Variants in CNDP2 observed in about 807,000 individuals in gnomAD.
CNDP2 encodes the protein cytosolic non-specific dipeptidase.
In CNDP2, 38 loss-of-function variants were observed where a neutral mutation model predicts 55.0. That is an observed-to-expected ratio of 0.69 (90% CI 0.53 to 0.90). The LOEUF (loss-of-function observed/expected upper bound fraction) is 0.90. CNDP2 is among the 40% of genes least tolerant of loss of function. CNDP2 has a pLI of 0.00. For missense variants in CNDP2, 607 were observed against 621.7 expected (o/e 0.98, Z 0.25); for synonymous variants, 241 against 260.2 (o/e 0.93, Z 0.71).
intron 3 of CNDP2, 33 bp from the exon 4 acceptor site, chr18:74,505,816 G>C (rs1436562056): frequency 1.9e-6 from 3 of 1,611,736 alleles, no homozygotes; most frequent in Non-Finnish European, 2.5e-6. Flanking sequence ...TTAAACAAAG[G>C]CTGTCCTTGG....
At chr18:74,506,037 C>T (rs1979005442) in intron 4 of CNDP2, 26 bp downstream of exon 4, 3 of 1,479,006 alleles carry the variant, frequency 2.0e-6, no homozygotes, top group Non-Finnish European at 2.7e-6. Flanking sequence ...CTATGCGTGC[C>T]CAGAGGAAAG....
At chr18:74,511,189 GCAA>G in intron 6 of CNDP2, 176 bp downstream of exon 6, 1 of 601,060 alleles carries the variant, frequency 1.7e-6, no homozygotes, top group Non-Finnish European at 2.9e-6. Flanking sequence ...AGGGTGGACA[GCAA>G]CACTTCCAGT....
intron 2 of CNDP2, 62 bp downstream of exon 2, chr18:74,500,095 AGTT>A: frequency 7.2e-7 from 1 of 1,384,432 alleles, no homozygotes; most frequent in Non-Finnish European, 1.0e-6. Flanking sequence ...GGCCCAGAGA[AGTT>A]GTCAAGAGCT....
At chr18:74,499,383 T>C (rs746986446) in intron 1 of CNDP2, 2 of 152,540 alleles carry the variant, frequency 1.3e-5, no homozygotes, top group African/African-American at 2.4e-5. Context: ...CAGGTGCTTG[T>C]GGAGGTTTAG....
At chr18:74,497,602 C>T (rs374098147) in intron 1 of CNDP2, 1 of 152,116 alleles carries the variant, frequency 6.6e-6, no homozygotes, top group African/African-American at 2.4e-5. Context: ...CTGAGTAACA[C>T]GAGCAAACCC....
intron 5 of CNDP2, among the ~76,000 whole-genome samples, chr18:74,510,435 C>T (rs1175082758): frequency 2.0e-5 from 3 of 152,188 alleles, no homozygotes; most frequent in African/African-American, 4.8e-5. Context: ...CTTCTGTGCC[C>T]GGGAGCAGCG....
At chr18:74,498,170 A>G (rs1285505939) in intron 1 of CNDP2, 3 of 152,188 alleles carry the variant, frequency 2.0e-5, no homozygotes, top group Non-Finnish European at 4.4e-5. Context: ...ATGGGGATAC[A>G]TTCCAAGAAA....
intron 11 of CNDP2, 76 bp from the exon 12 acceptor site, chr18:74,519,923 C>A: frequency 7.4e-7 from 1 of 1,346,348 alleles, no homozygotes; most frequent in South Asian, 1.2e-5. Flanking sequence ...TGTGTCTGGG[C>A]TCGGGAGGAG....
At chr18:74,505,816 G>T in intron 3 of CNDP2, 33 bp from the exon 4 acceptor site, 1 of 1,611,736 alleles carries the variant, frequency 6.2e-7, no homozygotes. Flanking sequence ...TTAAACAAAG[G>T]CTGTCCTTGG....
intron 1 of CNDP2, 200 bp from the exon 2 acceptor site, chr18:74,499,682 C>A (rs1458043876): frequency 2.6e-6 from 1 of 383,706 alleles, no homozygotes; most frequent in African/African-American, 2.1e-5. Context: ...TCTGTTGTTA[C>A]CTGCCATCTG....
intron 5 of CNDP2, among the ~76,000 whole-genome samples, chr18:74,510,436 G>A (rs1403315367): frequency 3.3e-5 from 5 of 152,218 alleles, no homozygotes; most frequent in African/African-American, 4.8e-5. Context: ...TTCTGTGCCC[G>A]GGAGCAGCGA....
rs182209344 is a variant in CNDP2 at position 74,518,391 on chromosome 18, G to A, written c.1069-108G>A. On this transcript the variant is annotated intron_variant, in intron 9 of 11. Coordinates refer to ENST00000324262, the MANE Select transcript of CNDP2 (RefSeq NM_018235.3). ...ACCCATCACAGACCTGTCAGAGGCCGATTGTAAGCTCGCTGTAGACCCATG... is the reference window on the plus strand; with the variant it reads ...ACCCATCACAGACCTGTCAGAGGCCAATTGTAAGCTCGCTGTAGACCCATG... The A allele has an allele frequency of 1.8e-4, 232 of 1,311,858 alleles. No homozygotes were observed. The Middle Eastern group carries it at 2.7e-3, about 15-fold the overall frequency. The allele number at this position is 1,311,858 out of a possible 1,614,324, so 81.3% of individuals were successfully genotyped here.
chr18:74,497,633 A>G (rs1978482329), intron 1 of CNDP2: 2 of 152,120 alleles, frequency 1.3e-5, no homozygotes, highest in South Asian at 2.1e-4. Flanking sequence ...AAAAATACAA[A>G]AATTAGCTGG....
At chr18:74,505,544 A>G (rs1219620647) in intron 3 of CNDP2, among the ~76,000 whole-genome samples, 1 of 151,426 alleles carries the variant, frequency 6.6e-6, no homozygotes, top group Non-Finnish European at 1.5e-5. Context: ...GGTTGCAATG[A>G]GCTGGGATCA....
In CNDP2 at chr18:74,519,097, G is replaced by A. The variant is rs778981827; in HGVS notation, c.1358+1G>A. 1.6e-5 allele frequency: 26 copies of A among 1,605,618 alleles called. No homozygotes were observed. The highest frequency in any genetic ancestry group is 2.2e-5 in the Non-Finnish European group (26 of 1,173,590). ...ACTCCCAGAATGAAAAGCTCAACAG[G>A]TGAGAGTCCAGGGTGCGGCCCAGGT... On this transcript the variant is annotated splice_donor_variant, in intron 11 of 11. Transcript: ENST00000324262. LOFTEE classifies it high-confidence loss of function.
At chr18:74,505,107 T>G (rs981453345) in intron 3 of CNDP2, 4 of 152,228 alleles carry the variant, frequency 2.6e-5, no homozygotes, top group Admixed American at 1.3e-4. Context: ...TATAAAGATT[T>G]TTTTATATAT....
At chr18:74,506,200 C>T (rs548187827) in intron 4 of CNDP2, among the ~76,000 whole-genome samples, 189 bp downstream of exon 4, 1 of 152,324 alleles carries the variant, frequency 6.6e-6, no homozygotes, top group East Asian at 1.9e-4. Flanking sequence ...ATGGCAAGAT[C>T]TCAATTCACT....
chr18:74,512,367 CT>C, intron 6 of CNDP2, 80 bp from the exon 7 acceptor site: 1 of 1,295,304 alleles, frequency 7.7e-7, no homozygotes, highest in Admixed American at 2.1e-5. Flanking sequence ...CTTGTAAATG[CT>C]CTTTGTTGAA....
At chr18:74,518,820 G>A (rs1979876136) in intron 10 of CNDP2, 129 bp from the exon 11 acceptor site, 1 of 1,475,608 alleles carries the variant, frequency 6.8e-7, no homozygotes, top group Non-Finnish European at 9.3e-7. Context: ...GGCGGACCTT[G>A]AACGCGGGCT....
Sources: allele counts gnomAD v4.1 joint callset (sites outside exome capture counted in the v4.1 genomes callset), GRCh38; gene constraint gnomAD v4.1.1; transcripts MANE v1.5; gene names NCBI Gene and HGNC (gene_info 2026-07-23, HGNC 2026-07-21).